POU6F2: variants seen among roughly 807,000 people sequenced by gnomAD.
The protein encoded by POU6F2 is POU class 6 homeobox 2, also known as POU domain, class 6, transcription factor 2.
Under a neutral mutation model 71.3 loss-of-function variants are expected in POU6F2, and 31 were observed. The observed-to-expected ratio is 0.43, with a 90% CI of 0.33 to 0.59. POU6F2 has a LOEUF of 0.59. POU6F2 is among the 20% of genes least tolerant of loss of function. The probability of loss-of-function intolerance (pLI) is 0.04; values close to 1 mark genes in which losing one functional copy is unlikely to be tolerated. For missense variants in POU6F2, 783 were observed against 856.8 expected (o/e 0.91, Z 1.07); for synonymous variants, 347 against 355.7 (o/e 0.98, Z 0.27).
chr7:39,375,354 C>G (rs1222939260), intron 5 of POU6F2, among the ~76,000 whole-genome samples: 1 of 152,132 alleles, frequency 6.6e-6, no homozygotes, highest in East Asian at 1.9e-4. Context: ...ATATTTTTCT[C>G]CTAGGGATGG....
At chr7:39,164,298 C>T (rs1375160697) in intron 2 of POU6F2, among the ~76,000 whole-genome samples, 1 of 150,452 alleles carries the variant, frequency 6.6e-6, no homozygotes, top group African/African-American at 2.4e-5. Context: ...TTCCTTCCTA[C>T]ATCCATGCTT....
chr7:39,226,931 T>C (rs1794471163), intron 4 of POU6F2, among the ~76,000 whole-genome samples: 1 of 152,218 alleles, frequency 6.6e-6, no homozygotes, highest in South Asian at 2.1e-4. Flanking sequence ...CCCTTTACAC[T>C]GACTATTTTT....
intron 5 of POU6F2, among the ~76,000 whole-genome samples, chr7:39,380,704 G>T (rs957684840): frequency 6.6e-6 from 1 of 152,182 alleles, no homozygotes; most frequent in African/African-American, 2.4e-5. Context: ...TCTGTACGGA[G>T]GCAAAGTATG....
chr7:39,117,096 G>T (rs1321223784), intron 2 of POU6F2, among the ~76,000 whole-genome samples: 1 of 152,138 alleles, frequency 6.6e-6, no homozygotes, highest in Non-Finnish European at 1.5e-5. Flanking sequence ...CATTTTGAAA[G>T]ATAGGTATGT....
intron 1 of POU6F2, among the ~76,000 whole-genome samples, chr7:39,004,225 C>T (rs1788992520): frequency 6.6e-6 from 1 of 152,162 alleles, no homozygotes; most frequent in Admixed American, 6.5e-5. Flanking sequence ...TTCTTATATG[C>T]TGTTTAAACT....
intron 6 of POU6F2, among the ~76,000 whole-genome samples, chr7:39,408,373 AT>A (rs1787484213): frequency 6.6e-6 from 1 of 152,238 alleles, no homozygotes; most frequent in Admixed American, 6.5e-5. Flanking sequence ...AGAAGGAATT[AT>A]TAGGAGTTTA....
At chr7:39,236,816 C>CAA (rs1794684439) in intron 4 of POU6F2, among the ~76,000 whole-genome samples, 1 of 152,148 alleles carries the variant, frequency 6.6e-6, no homozygotes, top group African/African-American at 2.4e-5. Flanking sequence ...TTATGATACA[C>CAA]AAATGTATCC....
intron 1 of POU6F2, among the ~76,000 whole-genome samples, chr7:38,993,611 A>AACACACACAC (rs10553247): frequency 6.1e-5 from 8 of 130,604 alleles, no homozygotes; most frequent in African/African-American, 2.2e-4. Flanking sequence ...CAGGATTTTA[A>AACACACACAC]ACACACACAC....
chr7:39,395,070 C>T (rs1415586568), intron 5 of POU6F2, among the ~76,000 whole-genome samples: 1 of 152,158 alleles, frequency 6.6e-6, no homozygotes, highest in Non-Finnish European at 1.5e-5. Context: ...TTCTCATCTG[C>T]CTCCAGTCTG....
At chr7:39,298,453 C>A (rs1474920862) in intron 4 of POU6F2, among the ~76,000 whole-genome samples, 1 of 152,042 alleles carries the variant, frequency 6.6e-6, no homozygotes, top group African/African-American at 2.4e-5. Context: ...ATCAAAACCA[C>A]AAGATACCAT....
intron 4 of POU6F2, among the ~76,000 whole-genome samples, chr7:39,305,504 C>T (rs1400775090): frequency 6.6e-6 from 1 of 152,210 alleles, no homozygotes; most frequent in African/African-American, 2.4e-5. Context: ...TTAGCCTACT[C>T]ACAAGCATTC....
intron 4 of POU6F2, among the ~76,000 whole-genome samples, chr7:39,323,974 C>T (rs12538092): frequency 6.6e-6 from 1 of 151,386 alleles, no homozygotes; most frequent in African/African-American, 2.4e-5. Flanking sequence ...CAGGCCTGGT[C>T]GTGGGTGCCT....
intron 2 of POU6F2, among the ~76,000 whole-genome samples, chr7:39,096,616 T>C (rs1473418858): frequency 6.6e-6 from 1 of 152,186 alleles, no homozygotes; most frequent in African/African-American, 2.4e-5. Flanking sequence ...GGGGCATAAT[T>C]TGAAGAAGGT....
intron 2 of POU6F2, among the ~76,000 whole-genome samples, chr7:39,099,581 C>T (rs765591770): frequency 1.3e-5 from 2 of 152,156 alleles, no homozygotes; most frequent in African/African-American, 2.4e-5. Context: ...AGTGTTATGA[C>T]GATTTTAGAA....
intron 4 of POU6F2, among the ~76,000 whole-genome samples, chr7:39,323,833 G>A (rs965082586): frequency 6.6e-6 from 1 of 152,122 alleles, no homozygotes; most frequent in Non-Finnish European, 1.5e-5. Flanking sequence ...GCACCGCCAG[G>A]CAAGGTGGCT....
At chr7:39,186,069 C>T (rs1371501927) in intron 2 of POU6F2, among the ~76,000 whole-genome samples, 2 of 151,992 alleles carry the variant, frequency 1.3e-5, no homozygotes, top group Non-Finnish European at 2.9e-5. Context: ...CACTACCACG[C>T]GTGGCTGGTA....
At chr7:39,288,952 C>A (rs928071746) in intron 4 of POU6F2, among the ~76,000 whole-genome samples, 4 of 152,158 alleles carry the variant, frequency 2.6e-5, no homozygotes, top group Admixed American at 6.5e-5. Flanking sequence ...AAAGATTAAA[C>A]CCTTATTTCA....
At chr7:39,394,955 G>A (rs1196583805) in intron 5 of POU6F2, among the ~76,000 whole-genome samples, 2 of 152,166 alleles carry the variant, frequency 1.3e-5, no homozygotes, top group Non-Finnish European at 2.9e-5. Flanking sequence ...TCGATGCTGT[G>A]TTTGATGAAT....
In POU6F2 at chr7:39,399,859, A is replaced by AC. The variant is rs1309472027; in HGVS notation, c.973-6740dup. ...AGGGAGACCCTGTCTCAAGAATGTAACAAAAAAAAAAAGAAAGAAAGAAAG... is the reference window on the plus strand; with the variant it reads ...AGGGAGACCCTGTCTCAAGAATGTAACCAAAAAAAAAAAGAAAGAAAGAAAG... On this transcript the variant is annotated intron_variant, in intron 5 of 9. Transcript: ENST00000518318. Among the ~76,000 whole-genome samples the AC allele has an allele frequency of 7.8e-5, 8 of 102,418 alleles. No individual in the cohort carries two copies. In the East Asian group the frequency reaches 3.7e-3, roughly 47 times the overall value. 67.2% of individuals were successfully genotyped at this position (102,418 alleles called of 152,430 possible).
Sources: gnomAD v4.1 joint callset for allele counts (sites outside exome capture counted in the v4.1 genomes callset) on GRCh38, gnomAD v4.1.1 for gene constraint, MANE v1.5 for transcripts, NCBI Gene and HGNC (gene_info 2026-07-23, HGNC 2026-07-21) for gene names.